Variants in KCNT2 observed in about 807,000 individuals in gnomAD.
The protein encoded by KCNT2 is potassium sodium-activated channel subfamily T member 2.
In KCNT2, 67 loss-of-function variants were observed where a neutral mutation model predicts 153.8. The observed-to-expected ratio is 0.44, with a 90% CI of 0.36 to 0.53. The LOEUF (loss-of-function observed/expected upper bound fraction) is 0.53, where lower values mean the gene tolerates loss of function less well. KCNT2 is among the 20% of genes least tolerant of loss of function. The pLI, the probability that KCNT2 is intolerant of heterozygous loss-of-function variation, is 0.00. For synonymous variants in KCNT2, 500 were observed against 458.8 expected (o/e 1.09, Z -1.15); for missense variants, 975 against 1,354.8 (o/e 0.72, Z 4.40).
chr1:196,228,150 T>C lies in KCNT2; in HGVS notation c.*74A>G. 1 of 766,318 alleles carries C rather than the reference T, an allele frequency of 1.3e-6. No homozygotes were observed. The allele number at this position is 766,318 out of a possible 1,614,324, so 47.5% of individuals were successfully genotyped here. On this transcript the variant is annotated 3_prime_UTR_variant, in exon 28 of 28. Coordinates refer to ENST00000294725, the MANE Select transcript of KCNT2 (RefSeq NM_198503.5). ...GAATTACATATATTTCCATCTAGTT[T>C]CTTTCGTGCCAGCAAAACTTTTGTG...
chr1:196,523,306 C>T (rs560145744), intron 1 of KCNT2, among the ~76,000 whole-genome samples: 86 of 152,258 alleles, frequency 5.6e-4, no homozygotes, highest in South Asian at 1.0e-3. Flanking sequence ...TCTTTAAGAA[C>T]GGTAACACTC....
intron 21 of KCNT2, among the ~76,000 whole-genome samples, chr1:196,313,581 T>C (rs575036276): frequency 2.6e-5 from 4 of 151,764 alleles, no homozygotes; most frequent in African/African-American, 9.6e-5. Flanking sequence ...ATTCTTCTTA[T>C]ATCATAGAAA....
intron 13 of KCNT2, among the ~76,000 whole-genome samples, chr1:196,382,082 A>AATTAATTTATTTATTTATTTATTT (rs1553307534): frequency 7.0e-6 from 1 of 143,188 alleles, no homozygotes; most frequent in Admixed American, 7.1e-5. Context: ...TGTTTAACCA[A>AATTAATTTATTTATTTATTTATTT]ATTTATTTAT....
chr1:196,247,311 T>C (rs1180555139), intron 26 of KCNT2, among the ~76,000 whole-genome samples: 3 of 152,094 alleles, frequency 2.0e-5, no homozygotes, highest in Admixed American at 6.6e-5. Context: ...TAAGGAGAGA[T>C]AGACTCCAAC....
At chr1:196,251,743 A>G (rs1428146422) in intron 26 of KCNT2, among the ~76,000 whole-genome samples, 1 of 151,944 alleles carries the variant, frequency 6.6e-6, no homozygotes, top group Non-Finnish European at 1.5e-5. Flanking sequence ...AAATAACTAA[A>G]AGAGTTTAAG....
chr1:196,256,677 A>T (rs1312431203), intron 26 of KCNT2, among the ~76,000 whole-genome samples: 1 of 150,658 alleles, frequency 6.6e-6, no homozygotes, highest in Non-Finnish European at 1.5e-5. Flanking sequence ...ATTTTCCTCA[A>T]GTTTGACAGT....
chr1:196,395,192 G>C (rs1232063209), intron 13 of KCNT2, among the ~76,000 whole-genome samples: 1 of 151,156 alleles, frequency 6.6e-6, no homozygotes, highest in Non-Finnish European at 1.5e-5. Flanking sequence ...TTTCAACTCT[G>C]TTAACCAATT....
intron 1 of KCNT2, among the ~76,000 whole-genome samples, chr1:196,583,774 C>T (rs1010785168): frequency 1.3e-5 from 2 of 151,430 alleles, no homozygotes; most frequent in Non-Finnish European, 2.9e-5. Context: ...TTAAGAGAAA[C>T]GTAAGTAGAG....
At chr1:196,504,313 C>T (rs1326690095) in intron 1 of KCNT2, among the ~76,000 whole-genome samples, 1 of 150,350 alleles carries the variant, frequency 6.7e-6, no homozygotes, top group Non-Finnish European at 1.5e-5. Context: ...CAATTCCCAC[C>T]TATGAGTGAG....
intron 13 of KCNT2, among the ~76,000 whole-genome samples, chr1:196,389,415 T>C (rs1270797396): frequency 1.3e-5 from 2 of 151,728 alleles, no homozygotes; most frequent in Non-Finnish European, 3.0e-5. Context: ...GAAGAGGTTT[T>C]ATTTCTACCT....
At chr1:196,367,336 C>T (rs895767182) in intron 14 of KCNT2, among the ~76,000 whole-genome samples, 1 of 152,024 alleles carries the variant, frequency 6.6e-6, no homozygotes, top group South Asian at 2.1e-4. Context: ...TGTCAATGAC[C>T]TTCGTGGTAC....
At chr1:196,300,032 A>C (rs576829649) in intron 22 of KCNT2, among the ~76,000 whole-genome samples, 1 of 152,324 alleles carries the variant, frequency 6.6e-6, no homozygotes, top group African/African-American at 2.4e-5. Flanking sequence ...TAGTCTGAAA[A>C]ACCTTTAGTC....
Position 196,254,595 on chromosome 1 carries a change from T to TA in KCNT2, c.3211+3598dup, listed in dbSNP as rs1656295978. Among the ~76,000 whole-genome samples, 4 of 151,648 alleles carry TA rather than the reference T, an allele frequency of 2.6e-5. No homozygotes were observed. In the South Asian group the frequency reaches 8.3e-4, roughly 31 times the overall value. ...AGAGAAAAATATTTGATTTATTCGT[T>TA]AAAAAATACGAAAACTTATGAGCTG... On this transcript the variant is annotated intron_variant, in intron 26 of 27. Transcript: ENST00000294725.
intron 25 of KCNT2, among the ~76,000 whole-genome samples, chr1:196,261,684 A>T (rs1657039817): frequency 6.6e-6 from 1 of 151,992 alleles, no homozygotes; most frequent in Admixed American, 6.6e-5. Flanking sequence ...TTCTTGGTTA[A>T]AGTTTAGTAA....
Position 196,574,778 on chromosome 1 carries a change from C to A in KCNT2, c.95+33437G>T, listed in dbSNP as rs533001473. Reference sequence around the variant, plus strand: ...TATGATTTATGTACAATTTTACTTGCATTATTCTATTATGATTGAATATTA... The same window carrying A: ...TATGATTTATGTACAATTTTACTTGAATTATTCTATTATGATTGAATATTA... On this transcript the variant is annotated intron_variant, in intron 1 of 27. Coordinates refer to ENST00000294725, the MANE Select transcript of KCNT2 (RefSeq NM_198503.5). Among the ~76,000 whole-genome samples the A allele has an allele frequency of 1.5e-3, 221 of 151,918 alleles. 2 individuals are homozygous for A. The highest frequency in any genetic ancestry group is 5.0e-3 in the African/African-American group (207 of 41,488).
intron 22 of KCNT2, among the ~76,000 whole-genome samples, chr1:196,303,630 G>T (rs528023585): frequency 6.6e-6 from 1 of 152,192 alleles, no homozygotes; most frequent in South Asian, 2.1e-4. Flanking sequence ...GTCAAATGCA[G>T]GGCTAAGTGT....
intron 14 of KCNT2, among the ~76,000 whole-genome samples, chr1:196,351,873 C>T (rs1488447568): frequency 1.3e-5 from 2 of 152,094 alleles, no homozygotes; most frequent in Non-Finnish European, 1.5e-5. Context: ...TTTTGAGATA[C>T]ATCCCATCAA....
intron 1 of KCNT2, among the ~76,000 whole-genome samples, chr1:196,512,832 T>G (rs1170992473): frequency 6.6e-6 from 1 of 152,164 alleles, no homozygotes; most frequent in African/African-American, 2.4e-5. Context: ...CAACAAAGTA[T>G]TTCACATCAT....
intron 22 of KCNT2, among the ~76,000 whole-genome samples, chr1:196,287,635 A>G (rs551046418): frequency 1.3e-5 from 2 of 152,206 alleles, no homozygotes; most frequent in South Asian, 4.1e-4. Flanking sequence ...CGCTAATTAA[A>G]ATTAATTCCA....
Sources: gnomAD v4.1 joint callset for allele counts (sites outside exome capture counted in the v4.1 genomes callset) on GRCh38, gnomAD v4.1.1 for gene constraint, MANE v1.5 for transcripts, NCBI Gene and HGNC (gene_info 2026-07-23, HGNC 2026-07-21) for gene names.